The following GABRB2 variants were observed in gnomAD, a reference collection of about 807,000 sequenced individuals.
The protein encoded by GABRB2 is gamma-aminobutyric acid type A receptor subunit beta2, also known as gamma-aminobutyric acid receptor subunit beta-2.
In GABRB2, 16 loss-of-function variants were observed where a neutral mutation model predicts 54.7. The observed-to-expected ratio is 0.29, with a 90% confidence interval of 0.20 to 0.44. The LOEUF is 0.44. Among genes scored for constraint, GABRB2 ranks in the 20% least tolerant of loss-of-function variants. The probability of loss-of-function intolerance (pLI) is 1.00; values close to 1 mark genes in which losing one functional copy is unlikely to be tolerated. For missense variants in GABRB2, 355 were observed against 644.0 expected, an observed-to-expected ratio of 0.55 and a Z score of 4.86; for synonymous variants, 244 against 233.8, an observed-to-expected ratio of 1.04 and a Z score of -0.40.
chr5:161,373,973 T>C (rs945861450), intron 5 of GABRB2, among the ~76,000 whole-genome samples: 2 of 152,172 alleles, frequency 1.3e-5, no homozygotes, highest in African/African-American at 2.4e-5. Flanking sequence ...GACTGAGTTT[T>C]GCTCGTGTTG....
intron 4 of GABRB2, among the ~76,000 whole-genome samples, chr5:161,419,588 G>T (rs971347440): frequency 1.3e-5 from 2 of 152,196 alleles, no homozygotes; most frequent in African/African-American, 4.8e-5. Context: ...ACTGGATAAG[G>T]AAAATGTGGT....
intron 3 of GABRB2, among the ~76,000 whole-genome samples, chr5:161,532,257 T>C (rs1228892956): frequency 6.6e-6 from 1 of 152,178 alleles, no homozygotes; most frequent in African/African-American, 2.4e-5. Flanking sequence ...GTAGCATATC[T>C]GTGTGTATAT....
intron 3 of GABRB2, among the ~76,000 whole-genome samples, chr5:161,485,171 G>A (rs565165634): frequency 1.3e-5 from 2 of 152,004 alleles, no homozygotes; most frequent in Admixed American, 6.6e-5. Flanking sequence ...CACCTTCACT[G>A]CCATCCTCTA....
intron 3 of GABRB2, among the ~76,000 whole-genome samples, chr5:161,498,957 G>A (rs1393033946): frequency 6.6e-6 from 1 of 152,110 alleles, no homozygotes; most frequent in African/African-American, 2.4e-5. Context: ...TTGATGCTCT[G>A]CTACCTTTCT....
intron 3 of GABRB2, among the ~76,000 whole-genome samples, chr5:161,481,632 A>G (rs1455532498): frequency 2.0e-5 from 3 of 152,074 alleles, no homozygotes; most frequent in African/African-American, 7.2e-5. Context: ...TGCTAATAGT[A>G]TACAGTTCAT....
chr5:161,347,655 T>C (rs1754358217), intron 5 of GABRB2, among the ~76,000 whole-genome samples: 2 of 152,098 alleles, frequency 1.3e-5, no homozygotes, highest in South Asian at 4.1e-4. Flanking sequence ...AGCCCACCTG[T>C]GTGAGGACCA....
intron 5 of GABRB2, among the ~76,000 whole-genome samples, chr5:161,363,079 G>A (rs562898337): frequency 6.6e-6 from 1 of 152,224 alleles, no homozygotes; most frequent in Non-Finnish European, 1.5e-5. Context: ...ACATGCACAC[G>A]TATGTTAATT....
At chr5:161,439,490 A>G (rs1220634933) in intron 4 of GABRB2, among the ~76,000 whole-genome samples, 2 of 152,236 alleles carry the variant, frequency 1.3e-5, no homozygotes, top group Admixed American at 6.5e-5. Flanking sequence ...GAAAGTACAA[A>G]GAAAAACACA....
intron 3 of GABRB2, among the ~76,000 whole-genome samples, chr5:161,506,706 A>G (rs902820243): frequency 1.3e-5 from 2 of 152,124 alleles, no homozygotes; most frequent in African/African-American, 4.8e-5. Context: ...CTACTCTAAC[A>G]TGACAGTAAT....
At position 161,289,711 on chromosome 5, in the gene GABRB2, T is replaced by C. The variant is rs1469893619; in HGVS notation, c.*4370A>G. 2.6e-5 allele frequency: 4 copies of C among 152,100 alleles called. No homozygotes were observed. The highest frequency in any genetic ancestry group is 5.9e-5 in the Non-Finnish European group (4 of 68,022). 9.4% of individuals were successfully genotyped at this position (152,100 alleles called of 1,614,324 possible). A position where few individuals can be genotyped will look rare whatever the true frequency, so the allele number is the denominator to read the frequency against. On this transcript the variant is annotated 3_prime_UTR_variant, in exon 10 of 10. Coordinates refer to ENST00000393959, the MANE Select transcript of GABRB2 (RefSeq NM_001371727.1). ...CAAAGGCTATCTCTTGTTTGTTATA[T>C]TGACTACATAAATAGTAGAGTGTTT... is the stretch of plus-strand genomic sequence containing the variant.
intron 3 of GABRB2, among the ~76,000 whole-genome samples, chr5:161,540,874 T>G (rs1760790388): frequency 6.6e-6 from 1 of 152,146 alleles, no homozygotes; most frequent in African/African-American, 2.4e-5. Flanking sequence ...TGAGACAAGT[T>G]CTCACTCTGT....
chr5:161,415,860 G>C (rs551577951), intron 4 of GABRB2, among the ~76,000 whole-genome samples: 2 of 152,044 alleles, frequency 1.3e-5, no homozygotes, highest in African/African-American at 4.8e-5. Context: ...TGATCCACTT[G>C]CCCCAGCCTC....
At chr5:161,402,666 A>T (rs1315419546) in intron 5 of GABRB2, among the ~76,000 whole-genome samples, 1 of 152,216 alleles carries the variant, frequency 6.6e-6, no homozygotes, top group African/African-American at 2.4e-5. Context: ...CAGAGCAGTG[A>T]CTTTCAAGCT....
intron 5 of GABRB2, 108 bp from the exon 6 acceptor site, chr5:161,336,877 A>T: frequency 8.9e-7 from 1 of 1,118,968 alleles, no homozygotes; most frequent in Non-Finnish European, 1.2e-6. Context: ...TATATAAATA[A>T]TATAAAGATA....
intron 4 of GABRB2, among the ~76,000 whole-genome samples, chr5:161,417,464 G>A (rs979946414): frequency 2.6e-5 from 4 of 152,140 alleles, no homozygotes; most frequent in Non-Finnish European, 5.9e-5. Flanking sequence ...TTGGATGTTT[G>A]ACTCCAGAGA....
At chr5:161,358,183 T>C (rs147631963) in intron 5 of GABRB2, among the ~76,000 whole-genome samples, 56 of 152,204 alleles carry the variant, frequency 3.7e-4, no homozygotes, top group East Asian at 2.9e-3. Context: ...AAGAGTATGG[T>C]CAATAAAATC....
chr5:161,469,612 T>G (rs560674204), intron 3 of GABRB2, among the ~76,000 whole-genome samples: 1 of 152,148 alleles, frequency 6.6e-6, no homozygotes, highest in African/African-American at 2.4e-5. Flanking sequence ...ATTTCATTTT[T>G]AAGGTAAAGA....
chr5:161,352,320 A>G (rs958364804), intron 5 of GABRB2, among the ~76,000 whole-genome samples: 20 of 152,148 alleles, frequency 1.3e-4, no homozygotes, highest in Non-Finnish European at 1.9e-4. Flanking sequence ...TCAATGGATA[A>G]GTGGATAAAG....
chr5:161,412,484 C>A (rs1041323292), intron 4 of GABRB2, among the ~76,000 whole-genome samples: 17 of 152,148 alleles, frequency 1.1e-4, no homozygotes, highest in African/African-American at 4.1e-4. Flanking sequence ...GGTCTCCCAG[C>A]CACTCTATTC....
Sources: allele counts gnomAD v4.1 joint callset (sites outside exome capture counted in the v4.1 genomes callset), GRCh38; gene constraint gnomAD v4.1.1; transcripts MANE v1.5; gene names NCBI Gene and HGNC (gene_info 2026-07-23, HGNC 2026-07-21).